The following CA5A variants were observed in gnomAD, a reference collection of about 807,000 sequenced individuals.
CA5A encodes the protein carbonic anhydrase 5A, also known as carbonic anhydrase 5A, mitochondrial.
A neutral mutation model predicts 37.1 loss-of-function variants in CA5A; 28 were observed. The ratio of observed to expected loss-of-function variants is 0.75; its 90% CI spans 0.56 to 1.03. The LOEUF (loss-of-function observed/expected upper bound fraction) is 1.03, where lower values mean the gene tolerates loss of function less well. CA5A is among the 50% of genes least tolerant of loss of function. The pLI, the probability that CA5A is intolerant of heterozygous loss-of-function variation, is 0.00. For missense variants in CA5A, 444 were observed against 399.9 expected (o/e 1.11, Z -0.94); for synonymous variants, 171 against 158.4 (o/e 1.08, Z -0.60).
intron 2 of CA5A, among the ~76,000 whole-genome samples, chr16:87,919,480 G>A (rs1597576649): frequency 6.6e-6 from 1 of 152,318 alleles, no homozygotes; most frequent in African/African-American, 2.4e-5. Flanking sequence ...CCAAGCCACA[G>A]CCTCGGGCGG....
intron 2 of CA5A, among the ~76,000 whole-genome samples, chr16:87,905,787 T>A (rs2055952411): frequency 6.6e-6 from 1 of 152,244 alleles, no homozygotes; most frequent in African/African-American, 2.4e-5. Context: ...TAAGTCACCC[T>A]AAACACTCAC....
chr16:87,890,216 C>T (rs1020365339), intron 6 of CA5A, among the ~76,000 whole-genome samples: 13 of 152,198 alleles, frequency 8.5e-5, no homozygotes, highest in African/African-American at 2.2e-4. Flanking sequence ...TGTTCTGAGA[C>T]GAATGCCCTG....
chr16:87,924,341 G>C (rs12923967), intron 2 of CA5A: 4 of 983,490 alleles, frequency 4.1e-6, no homozygotes, highest in Non-Finnish European at 4.8e-6. Context: ...TCTCACCTTC[G>C]AAAGGAGAGA....
At position 87,931,335 on chromosome 16, in the gene CA5A, C is replaced by G. The variant is rs147250336; in HGVS notation, c.143-4390G>C. Among the ~76,000 whole-genome samples, 1,163 of 150,514 alleles carry G rather than the reference C, an allele frequency of 7.7e-3. 23 individuals are homozygous for G. The highest frequency in any genetic ancestry group is 0.028 in the African/African-American group (1,126 of 40,720). ...CCATGTTGGCCAGGCTGTTCTCGAA[C>G]TCCTGACTTCGGGTGATCCACCTGC... On this transcript the variant is annotated intron_variant, in intron 1 of 6. Coordinates refer to ENST00000649794, the MANE Select transcript of CA5A (RefSeq NM_001739.2).
At chr16:87,924,401 C>T (rs2056273789) in intron 2 of CA5A, 1 of 794,574 alleles carries the variant, frequency 1.3e-6, no homozygotes, top group African/African-American at 1.9e-5. Context: ...CTGTGTAGGG[C>T]CTGGCACAGA....
At position 87,916,049 on chromosome 16, in the gene CA5A, A is replaced by T. The variant is rs1597572081; in HGVS notation, c.340+10699T>A. On this transcript the variant is annotated intron_variant, in intron 2 of 6. Transcript: ENST00000649794. ...AAGAGACAGAATGAGAACCAAGCAAAAGGGGTTACTCGGGAGCCTGCGGCA... is the reference window on the plus strand; with the variant it reads ...AAGAGACAGAATGAGAACCAAGCAATAGGGGTTACTCGGGAGCCTGCGGCA... 1.3e-5 allele frequency among the ~76,000 whole-genome samples: 2 copies of T among 151,882 alleles called. 1 individual carries two copies. Among genetic ancestry groups the T allele is most frequent in the South Asian group, 4.2e-4 (2 of 4,782 alleles).
chr16:87,923,767 T>C (rs547179498), intron 2 of CA5A: 1 of 985,210 alleles, frequency 1.0e-6, no homozygotes, highest in Non-Finnish European at 1.2e-6. Context: ...GTTATTAAAA[T>C]ATCAGTGAGA....
At chr16:87,931,496 C>A (rs1378741102) in intron 1 of CA5A, among the ~76,000 whole-genome samples, 1 of 152,214 alleles carries the variant, frequency 6.6e-6, no homozygotes, top group African/African-American at 2.4e-5. Context: ...TCTCCCCACT[C>A]ACTCTCCGAG....
chr16:87,902,397 T>A (rs1293340568), intron 4 of CA5A, 28 bp downstream of exon 4: 1 of 1,299,450 alleles, frequency 7.7e-7, no homozygotes, highest in African/African-American at 1.9e-5. Flanking sequence ...ACTTTCTTCA[T>A]TAGATCTACA....
intron 2 of CA5A, among the ~76,000 whole-genome samples, chr16:87,924,621 G>A (rs1373400055): frequency 6.6e-6 from 1 of 152,242 alleles, no homozygotes; most frequent in Non-Finnish European, 1.5e-5. Flanking sequence ...TTAAGTGGCT[G>A]AAATGCAAGC....
At chr16:87,884,932 G>C (rs1254523310), downstream of CA5A, 2 of 152,346 alleles carry the variant, frequency 1.3e-5, no homozygotes, top group African/African-American at 4.8e-5. Flanking sequence ...GGGAGGACGA[G>C]GCAGGCGGAT....
rs1467615206 is a variant in CA5A, at chr16:87,900,170, C to A, written c.618+1742G>T. Among the ~76,000 whole-genome samples, 11 of 152,260 alleles carry A rather than the reference C, an allele frequency of 7.2e-5. No individual in the cohort carries two copies. In the East Asian group the frequency reaches 2.1e-3, roughly 29 times the overall value. ...GGTAAAGGGTCCTTCACAATCAGCT[C>A]TTTTCTTTCCCACCAAGAGGTGGGA... On this transcript the variant is annotated intron_variant, in intron 5 of 6. Transcript: ENST00000649794.
chr16:87,923,269 A>G (rs1244884074), intron 2 of CA5A, among the ~76,000 whole-genome samples: 1 of 152,006 alleles, frequency 6.6e-6, no homozygotes, highest in Non-Finnish European at 1.5e-5. Flanking sequence ...GCTCACTGCA[A>G]ACTCCACCTC....
At chr16:87,902,204 A>C (rs1182385612) in intron 4 of CA5A, among the ~76,000 whole-genome samples, 1 of 151,962 alleles carries the variant, frequency 6.6e-6, no homozygotes, top group Non-Finnish European at 1.5e-5. Flanking sequence ...AAATACAAAA[A>C]TTAGCTGGGT....
At chr16:87,897,785 G>T (rs375419885) in intron 5 of CA5A, among the ~76,000 whole-genome samples, 42 of 152,292 alleles carry the variant, frequency 2.8e-4, no homozygotes, top group African/African-American at 9.6e-4. Flanking sequence ...TCTGAGCTTT[G>T]GTTTTCCTGT....
At chr16:87,914,797 C>T (rs1431933896) in intron 2 of CA5A, among the ~76,000 whole-genome samples, 5 of 152,278 alleles carry the variant, frequency 3.3e-5, no homozygotes, top group South Asian at 2.1e-4. Context: ...CATGGAGTCA[C>T]GGGCCACCGT....
intron 5 of CA5A, among the ~76,000 whole-genome samples, chr16:87,899,333 C>G (rs918679927): frequency 8.0e-6 from 1 of 125,032 alleles, no homozygotes; most frequent in African/African-American, 3.1e-5. Flanking sequence ...AGATGAGTCT[C>G]GCTGTGTCAC....
intron 1 of CA5A, among the ~76,000 whole-genome samples, chr16:87,935,562 C>T (rs1280864199): frequency 6.6e-6 from 1 of 152,126 alleles, no homozygotes; most frequent in East Asian, 1.9e-4. Context: ...ATGATTCACC[C>T]AAGGTCACCA....
chr16:87,930,930 G>C (rs141858425), intron 1 of CA5A, among the ~76,000 whole-genome samples: 1 of 151,682 alleles, frequency 6.6e-6, no homozygotes, highest in East Asian at 1.9e-4. Flanking sequence ...TAGTAGAGAC[G>C]GGGTTTCACC....
Sources: gnomAD v4.1 joint callset for allele counts (sites outside exome capture counted in the v4.1 genomes callset) on GRCh38, gnomAD v4.1.1 for gene constraint, MANE v1.5 for transcripts, NCBI Gene and HGNC (gene_info 2026-07-23, HGNC 2026-07-21) for gene names.